LINGO3: variants seen among roughly 807,000 people sequenced by gnomAD.
LINGO3 encodes the protein leucine rich repeat and Ig domain containing 3.
For missense variants in LINGO3, 750 were observed against 867.7 expected (o/e 0.86, Z 1.70); for synonymous variants, 427 against 444.2 (o/e 0.96, Z 0.49).
At chr19:2,307,688 G>A in the LINGO3 span, among the ~76,000 whole-genome samples, 1 of 152,208 alleles carries the variant, frequency 6.6e-6, no homozygotes, top group Non-Finnish European at 1.5e-5. Flanking sequence ...GGGAGACAGG[G>A]CAGGAAGGCG....
At chr19:2,299,943 TTA>T in the LINGO3 span, among the ~76,000 whole-genome samples, 12 of 151,312 alleles carry the variant, frequency 7.9e-5, no homozygotes, top group Non-Finnish European at 1.6e-4. Context: ...CAGGATGGTC[TTA>T]CTCTCCTGAT....
In LINGO3 at chr19:2,290,214, C is replaced by G; in HGVS notation, c.1563G>C (p.Pro521=). The change falls in exon 1 of 1, where the codon CCG becomes CCC. Residue 521 remains proline (P), a synonymous_variant. Coordinates refer to ENST00000585527, the Ensembl canonical transcript of LINGO3. The surrounding 1 kb of genome is among the most constrained non-coding windows in gnomAD (Gnocchi z 6.0). ...ACACCAGGATGGTGGTGAGGTCGAG[C>G]GGCGCGCGCAGGGCCGCCAGCGTCT... 1.2e-6 allele frequency: 2 copies of G among 1,607,822 alleles called. No individual in the cohort carries two copies. The highest frequency in any genetic ancestry group is 3.3e-5 in the Admixed American group (2 of 59,740).
At chr19:2,298,593 T>C in the LINGO3 span, among the ~76,000 whole-genome samples, 1 of 146,662 alleles carries the variant, frequency 6.8e-6, no homozygotes, top group East Asian at 2.0e-4. Flanking sequence ...CAGGCTGGAG[T>C]GCAGTGGTGT....
At chr19:2,294,334 A>G (rs2025554751), upstream of LINGO3, among the ~76,000 whole-genome samples, 1 of 152,198 alleles carries the variant, frequency 6.6e-6, no homozygotes, top group African/African-American at 2.4e-5. This position sits in a 1 kb window ranked among gnomAD's most constrained non-coding sequence, Gnocchi z 4.3. Context: ...CGGGAGAGGC[A>G]GGAAGGACGC....
At chr19:2,299,563 G>A in the LINGO3 span, among the ~76,000 whole-genome samples, 20 of 143,204 alleles carry the variant, frequency 1.4e-4, no homozygotes, top group South Asian at 4.5e-4. Context: ...AGCTGGGACT[G>A]CAGGCGCCCA....
Position 2,290,362 on chromosome 19 carries a change from G to A in LINGO3, c.1415C>T (p.Pro472Leu), listed in dbSNP as rs753285958. ...GCACGTGTAGGTGCCGCTGTCCTGC[G>A]GCCGCGCGTCCTGGATCTCCAGCGT... Residue 472 changes from proline to leucine, a missense_variant, in exon 1 of 1, where the codon CCG (proline) becomes CTG (leucine). Transcript: ENST00000585527. This position sits in a 1 kb window ranked among gnomAD's most constrained non-coding sequence, Gnocchi z 6.0. The A allele has an allele frequency of 1.3e-5, 20 of 1,494,804 alleles. No homozygotes were observed. Among genetic ancestry groups the A allele is most frequent in the Non-Finnish European group, 1.8e-5 (20 of 1,130,852 alleles). The allele number at this position is 1,494,804 out of a possible 1,614,324, so 92.6% of individuals were successfully genotyped here.
chr19:2,291,803 G>T lies in LINGO3; in HGVS notation c.-27C>A, dbSNP rs1463537326. On this transcript the variant is annotated 5_prime_UTR_variant, in exon 1 of 1. Coordinates refer to ENST00000585527, the Ensembl canonical transcript of LINGO3. ...GTGCGGAGCGTGGGCCTAGGGCCGC[G>T]CCACCATCCTCCTGCGCACCTGCGG... 8.2e-6 allele frequency: 12 copies of T among 1,457,578 alleles called. No homozygotes were observed. The South Asian group carries it at 1.5e-4, about 18-fold the overall frequency. The allele number at this position is 1,457,578 out of a possible 1,614,324, so 90.3% of individuals were successfully genotyped here.
the LINGO3 span, among the ~76,000 whole-genome samples, chr19:2,297,804 C>T: frequency 6.6e-6 from 1 of 151,930 alleles, no homozygotes; most frequent in Non-Finnish European, 1.5e-5. Context: ...GGGGTTTCAC[C>T]ATGTTAGCCA....
upstream of LINGO3, among the ~76,000 whole-genome samples, chr19:2,294,345 G>A (rs887361932): frequency 1.3e-5 from 2 of 152,172 alleles, no homozygotes; most frequent in Non-Finnish European, 2.9e-5. This position sits in a 1 kb window ranked among gnomAD's most constrained non-coding sequence, Gnocchi z 4.3. Context: ...GGAAGGACGC[G>A]CCCCGGGAGC....
chr19:2,289,720 T>G, downstream of LINGO3: 27 of 232,184 alleles, frequency 1.2e-4, no homozygotes, highest in East Asian at 5.7e-4. Flanking sequence ...CGGGAGCCCA[T>G]CCCCCCATCC....
upstream of LINGO3, among the ~76,000 whole-genome samples, chr19:2,294,546 C>T (rs2025556563): frequency 6.6e-6 from 1 of 151,914 alleles, no homozygotes; most frequent in African/African-American, 2.4e-5. This position sits in a 1 kb window ranked among gnomAD's most constrained non-coding sequence, Gnocchi z 4.3. Flanking sequence ...GCTGGGGGAA[C>T]AGCCACGGCA....
At chr19:2,307,471 G>T in the LINGO3 span, among the ~76,000 whole-genome samples, 1 of 151,982 alleles carries the variant, frequency 6.6e-6, no homozygotes, top group Non-Finnish European at 1.5e-5. Flanking sequence ...CCGGGAGGTG[G>T]CGGCACCCAC....
At chr19:2,304,387 A>T in the LINGO3 span, among the ~76,000 whole-genome samples, 2 of 152,192 alleles carry the variant, frequency 1.3e-5, no homozygotes, top group African/African-American at 2.4e-5. Flanking sequence ...AGGCCTCCCC[A>T]CAGCCAGCCG....
At chr19:2,296,038 C>T (rs2025568684), upstream of LINGO3, among the ~76,000 whole-genome samples, 1 of 152,146 alleles carries the variant, frequency 6.6e-6, no homozygotes, top group African/African-American at 2.4e-5. Context: ...CCGGAATCAT[C>T]CTTAATCCCA....
At chr19:2,296,527 G>A (rs1194499475), upstream of LINGO3, among the ~76,000 whole-genome samples, 2 of 151,938 alleles carry the variant, frequency 1.3e-5, no homozygotes, top group South Asian at 4.1e-4. Flanking sequence ...CGCCTGGGCT[G>A]GAATGCAATG....
At chr19:2,297,237 C>T in the LINGO3 span, among the ~76,000 whole-genome samples, 10 of 151,816 alleles carry the variant, frequency 6.6e-5, no homozygotes, top group Non-Finnish European at 4.4e-5. Flanking sequence ...AAGCTCTTTC[C>T]TCTCAGTGCA....
At chr19:2,298,532 A>C in the LINGO3 span, among the ~76,000 whole-genome samples, 6 of 129,918 alleles carry the variant, frequency 4.6e-5, no homozygotes, top group Non-Finnish European at 9.4e-5. Flanking sequence ...GTGCTGGGCC[A>C]ATAATTTTTT....
Position 2,290,376 on chromosome 19 carries a change from G to C in LINGO3, c.1401C>G (p.Ile467Met). The change falls in exon 1 of 1, where the codon ATC becomes ATG. Residue 467 changes from isoleucine to methionine, a missense_variant. Ile to Met is a conservative substitution (Grantham distance 10). Transcript: ENST00000585527. The surrounding 1 kb of genome is among the most constrained non-coding windows in gnomAD (Gnocchi z 6.0). ...CGCTGTCCTGCGGCCGCGCGTCCTG[G>C]ATCTCCAGCGTCCCCCCGGGGAGCA... 6.7e-7 allele frequency: 1 copy of C among 1,482,900 alleles called. No homozygotes were observed. Among genetic ancestry groups the C allele is most frequent in the African/African-American group, 1.5e-5 (1 of 68,252 alleles). The allele number at this position is 1,482,900 out of a possible 1,614,324, so 91.9% of individuals were successfully genotyped here.
chr19:2,303,295 GC>G, the LINGO3 span, among the ~76,000 whole-genome samples: 1 of 152,172 alleles, frequency 6.6e-6, no homozygotes, highest in Non-Finnish European at 1.5e-5. Context: ...GAATCGTGCA[GC>G]CCAGCTAATG....
Sources: gnomAD v4.1 joint callset for allele counts (sites outside exome capture counted in the v4.1 genomes callset) on GRCh38, gnomAD v4.1.1 for gene constraint, Gnocchi (gnomAD v3.1) non-coding constraint, MANE v1.5 for transcripts, NCBI Gene and HGNC (gene_info 2026-07-23, HGNC 2026-07-21) for gene names.